Variants in NLGN1 observed in about 807,000 individuals in gnomAD.
NLGN1 encodes the protein neuroligin 1.
In NLGN1, 12 loss-of-function variants were observed where a neutral mutation model predicts 65.5. The ratio of observed to expected loss-of-function variants is 0.18; its 90% CI spans 0.12 to 0.30. The LOEUF (loss-of-function observed/expected upper bound fraction) is 0.30, where lower values mean the gene tolerates loss of function less well. Ranked by LOEUF, NLGN1 falls within the 10% of genes least tolerant of loss-of-function variation. The probability of loss-of-function intolerance (pLI) is 1.00; values close to 1 mark genes in which losing one functional copy is unlikely to be tolerated. For missense variants in NLGN1, 750 were observed against 1,007.1 expected (o/e 0.74, Z 3.46); for synonymous variants, 350 against 359.5 (o/e 0.97, Z 0.30).
At chr3:174,080,383 A>G (rs1433679341) in intron 4 of NLGN1, among the ~76,000 whole-genome samples, 4 of 152,226 alleles carry the variant, frequency 2.6e-5, no homozygotes, top group African/African-American at 7.2e-5. Context: ...AAAACATTTT[A>G]GAGCAGGAAT....
intron 4 of NLGN1, among the ~76,000 whole-genome samples, chr3:174,173,209 G>T (rs746157807): frequency 6.6e-6 from 1 of 151,978 alleles, no homozygotes. Context: ...TAGTTTTTTG[G>T]TGGAGTCTTA....
chr3:173,876,034 A>G (rs1019626683), intron 4 of NLGN1, among the ~76,000 whole-genome samples: 22 of 152,186 alleles, frequency 1.4e-4, no homozygotes, highest in African/African-American at 4.8e-4. Flanking sequence ...AAAACTGAAG[A>G]TAATGATTGA....
intron 5 of NLGN1, among the ~76,000 whole-genome samples, chr3:174,277,972 C>T (rs1481510273): frequency 2.0e-5 from 3 of 151,392 alleles, no homozygotes; most frequent in African/African-American, 7.3e-5. Context: ...GAATTTTATC[C>T]GAAAAATACC....
intron 2 of NLGN1, among the ~76,000 whole-genome samples, chr3:173,498,771 T>C (rs1225291900): frequency 6.6e-6 from 1 of 151,890 alleles, no homozygotes; most frequent in Non-Finnish European, 1.5e-5. Context: ...TGGTATCTCA[T>C]TGTGGTTTTG....
intron 4 of NLGN1, among the ~76,000 whole-genome samples, chr3:174,079,218 G>A (rs1405966197): frequency 6.6e-6 from 1 of 151,868 alleles, no homozygotes; most frequent in East Asian, 1.9e-4. Flanking sequence ...CCATTAAAAA[G>A]TGGGCAAAGG....
intron 4 of NLGN1, among the ~76,000 whole-genome samples, chr3:174,243,602 AT>A (rs910347909): frequency 6.8e-6 from 1 of 147,234 alleles, no homozygotes; most frequent in Non-Finnish European, 1.5e-5. Context: ...TACATTTCTA[AT>A]ATTTTTTTCT....
intron 4 of NLGN1, among the ~76,000 whole-genome samples, chr3:173,956,967 T>TA (rs1560720662): frequency 6.6e-6 from 1 of 152,034 alleles, no homozygotes; most frequent in African/African-American, 2.4e-5. Context: ...GGATTTTTTT[T>TA]AAAAATGAGT....
intron 4 of NLGN1, among the ~76,000 whole-genome samples, chr3:173,829,487 C>T (rs1196401565): frequency 2.3e-5 from 2 of 86,790 alleles, no homozygotes; most frequent in African/African-American, 7.4e-5. Flanking sequence ...GTACTGATTA[C>T]CATAGTCAAA....
At chr3:173,850,054 AC>A (rs1726593031) in intron 4 of NLGN1, among the ~76,000 whole-genome samples, 1 of 152,170 alleles carries the variant, frequency 6.6e-6, no homozygotes, top group Non-Finnish European at 1.5e-5. Context: ...TTCAAATAAT[AC>A]AGAAAAATAT....
At chr3:173,663,622 AC>A (rs984596459) in intron 3 of NLGN1, among the ~76,000 whole-genome samples, 8 of 151,938 alleles carry the variant, frequency 5.3e-5, no homozygotes, top group African/African-American at 1.9e-4. Flanking sequence ...TATTAAAACC[AC>A]CCACAAATGA....
At chr3:173,646,579 G>T (rs971359423) in intron 3 of NLGN1, among the ~76,000 whole-genome samples, 1 of 152,164 alleles carries the variant, frequency 6.6e-6, no homozygotes. Context: ...TACACATTGT[G>T]TGCAAGTATC....
intron 1 of NLGN1, among the ~76,000 whole-genome samples, chr3:173,432,341 C>T (rs887281857): frequency 2.0e-5 from 3 of 152,202 alleles, no homozygotes; most frequent in Non-Finnish European, 4.4e-5. Context: ...TGTATTTTCA[C>T]TAGCAGTGAA....
chr3:173,993,663 G>GATAA (rs1332058844), intron 4 of NLGN1, among the ~76,000 whole-genome samples: 3 of 147,970 alleles, frequency 2.0e-5, no homozygotes, highest in Non-Finnish European at 2.9e-5. Flanking sequence ...ATGATAGATA[G>GATAA]ATAGATAGAT....
chr3:173,993,303 A>G (rs1263572019), intron 4 of NLGN1, among the ~76,000 whole-genome samples: 6 of 152,178 alleles, frequency 3.9e-5, no homozygotes, highest in African/African-American at 7.2e-5. Flanking sequence ...CAAATCACCA[A>G]TGTAGTTGTT....
At chr3:173,855,878 T>G (rs562428612) in intron 4 of NLGN1, among the ~76,000 whole-genome samples, 7 of 152,136 alleles carry the variant, frequency 4.6e-5, no homozygotes, top group Non-Finnish European at 4.4e-5. Context: ...TTGGGGATCA[T>G]ACACTACCAC....
intron 3 of NLGN1, among the ~76,000 whole-genome samples, chr3:173,774,109 A>T (rs1011548215): frequency 2.0e-5 from 3 of 152,194 alleles, no homozygotes; most frequent in Non-Finnish European, 2.9e-5. Flanking sequence ...TTTTTTATTT[A>T]TAAAGCAATT....
At chr3:173,878,039 TA>T (rs919365235) in intron 4 of NLGN1, among the ~76,000 whole-genome samples, 3 of 152,076 alleles carry the variant, frequency 2.0e-5, no homozygotes, top group African/African-American at 4.8e-5. Flanking sequence ...CCTTGAGAAT[TA>T]TTTTTTTTTT....
At chr3:173,573,387 G>A (rs1377546925) in intron 2 of NLGN1, among the ~76,000 whole-genome samples, 2 of 152,000 alleles carry the variant, frequency 1.3e-5, no homozygotes, top group African/African-American at 4.8e-5. Context: ...TATTAAGTGT[G>A]CATGCCTTCA....
At chr3:173,843,929 A>G (rs1347941774) in intron 4 of NLGN1, among the ~76,000 whole-genome samples, 1 of 152,214 alleles carries the variant, frequency 6.6e-6, no homozygotes, top group Non-Finnish European at 1.5e-5. Flanking sequence ...TGATAAAGAC[A>G]TACCCAAAAC....
Sources: gnomAD v4.1 joint callset for allele counts (sites outside exome capture counted in the v4.1 genomes callset) on GRCh38, gnomAD v4.1.1 for gene constraint, MANE v1.5 for transcripts, NCBI Gene and HGNC (gene_info 2026-07-23, HGNC 2026-07-21) for gene names.